Variants in IL15 observed in about 807,000 individuals in gnomAD.
IL15 encodes the protein interleukin 15.
Under a neutral mutation model 19.6 loss-of-function variants are expected in IL15, and 11 were observed. The ratio of observed to expected loss-of-function variants is 0.56; its 90% CI spans 0.35 to 0.93. The LOEUF is 0.93. Among genes scored for constraint, IL15 ranks in the 40% least tolerant of loss-of-function variants. The pLI is 0.01. For synonymous variants in IL15, 58 were observed against 59.6 expected (o/e 0.97, Z 0.12); for missense variants, 197 against 186.5 (o/e 1.06, Z -0.33).
intron 2 of IL15, among the ~76,000 whole-genome samples, chr4:141,708,270 A>G (rs969000824): frequency 2.6e-5 from 4 of 152,156 alleles, no homozygotes; most frequent in Admixed American, 6.5e-5. Context: ...TCATTATGAC[A>G]TGCCTATGCT....
intron 6 of IL15, 58 bp downstream of exon 6, chr4:141,728,042 A>G (rs1730327489): frequency 1.2e-6 from 1 of 821,404 alleles, no homozygotes; most frequent in East Asian, 2.6e-5. Flanking sequence ...TTTTAAAAGT[A>G]TATTTTTGTA....
intron 1 of IL15, among the ~76,000 whole-genome samples, chr4:141,645,298 CTG>C (rs1727190468): frequency 6.6e-6 from 1 of 152,092 alleles, no homozygotes; most frequent in African/African-American, 2.4e-5. Flanking sequence ...TTGGCAAGGT[CTG>C]TGAGACATCA....
chr4:141,661,248 G>A (rs928347483), intron 2 of IL15, among the ~76,000 whole-genome samples: 15 of 152,202 alleles, frequency 9.9e-5, no homozygotes, highest in Admixed American at 1.3e-4. Context: ...GTGATAGCAG[G>A]TGTTGATGAC....
intron 7 of IL15, among the ~76,000 whole-genome samples, chr4:141,731,325 A>G (rs774585319): frequency 9.9e-5 from 15 of 152,176 alleles, no homozygotes; most frequent in Non-Finnish European, 5.9e-5. Context: ...CCCTACTAGA[A>G]TGTCAGCTTA....
At chr4:141,729,778 C>A (rs1456624540) in intron 6 of IL15, 69 bp from the exon 7 acceptor site, 36 of 866,190 alleles carry the variant, frequency 4.2e-5, no homozygotes, top group Non-Finnish European at 6.0e-5. Flanking sequence ...TTTTGAAAAT[C>A]AAAATTACAT....
At chr4:141,695,915 T>C (rs2152179461) in intron 2 of IL15, among the ~76,000 whole-genome samples, 1 of 152,238 alleles carries the variant, frequency 6.6e-6, no homozygotes, top group Admixed American at 6.5e-5. Context: ...TTCACTCTGT[T>C]AATAGTTTCC....
At chr4:141,683,437 G>C (rs967424277) in intron 2 of IL15, among the ~76,000 whole-genome samples, 1 of 151,642 alleles carries the variant, frequency 6.6e-6, no homozygotes, top group Non-Finnish European at 1.5e-5. Context: ...CTGGCATGGC[G>C]GTGTGCACCT....
At chr4:141,660,165 C>T (rs182433863) in intron 2 of IL15, among the ~76,000 whole-genome samples, 2 of 152,288 alleles carry the variant, frequency 1.3e-5, no homozygotes, top group Non-Finnish European at 2.9e-5. Context: ...TAATGGGCTC[C>T]ATGCTAAAGA....
intron 1 of IL15, among the ~76,000 whole-genome samples, chr4:141,654,278 A>G (rs1302717849): frequency 1.3e-5 from 2 of 152,154 alleles, no homozygotes; most frequent in African/African-American, 2.4e-5. Context: ...GAAGCAGGCC[A>G]GATTCCTGGA....
intron 2 of IL15, among the ~76,000 whole-genome samples, chr4:141,713,196 G>A (rs1011022559): frequency 3.3e-5 from 5 of 152,144 alleles, no homozygotes; most frequent in Non-Finnish European, 7.4e-5. Context: ...TGCTGAAAAT[G>A]TCTTAGTGCG....
chr4:141,705,795 C>T (rs1579038088), intron 2 of IL15, among the ~76,000 whole-genome samples: 2 of 149,288 alleles, frequency 1.3e-5, no homozygotes, highest in East Asian at 1.9e-4. Flanking sequence ...GTTACATCCT[C>T]TTATTGAATT....
chr4:141,682,101 C>A (rs560217674), intron 2 of IL15, among the ~76,000 whole-genome samples: 3 of 152,048 alleles, frequency 2.0e-5, no homozygotes, highest in Non-Finnish European at 4.4e-5. Context: ...TTAATGTAAC[C>A]TTTTGTTTTT....
chr4:141,690,472 C>A (rs750024419), intron 2 of IL15, among the ~76,000 whole-genome samples: 1 of 152,208 alleles, frequency 6.6e-6, no homozygotes, highest in East Asian at 1.9e-4. Flanking sequence ...ATCCTAGATT[C>A]TTTCTTCTCC....
At chr4:141,722,113 T>C in intron 5 of IL15, 105 bp downstream of exon 5, 2 of 1,310,598 alleles carry the variant, frequency 1.5e-6, no homozygotes, top group Non-Finnish European at 2.0e-6. Context: ...GAAACAATAA[T>C]ATTTTTGTAG....
At chr4:141,685,856 T>A (rs1203773745) in intron 2 of IL15, among the ~76,000 whole-genome samples, 3 of 152,222 alleles carry the variant, frequency 2.0e-5, no homozygotes, top group Admixed American at 6.5e-5. Flanking sequence ...CATTTCTTCA[T>A]AACATTTAAA....
At chr4:141,652,875 T>C (rs1727456871) in intron 1 of IL15, among the ~76,000 whole-genome samples, 1 of 152,190 alleles carries the variant, frequency 6.6e-6, no homozygotes, top group South Asian at 2.1e-4. Context: ...GCAGTAGCAA[T>C]ATTTGAATCC....
chr4:141,715,390 T>TA (rs1362146839), intron 2 of IL15: 1 of 152,196 alleles, frequency 6.6e-6, no homozygotes, highest in East Asian at 1.9e-4. Flanking sequence ...TTCACTGAGA[T>TA]ACCACCGGGG....
At chr4:141,702,876 G>T (rs1459605894) in intron 2 of IL15, among the ~76,000 whole-genome samples, 1 of 152,218 alleles carries the variant, frequency 6.6e-6, no homozygotes, top group Non-Finnish European at 1.5e-5. Flanking sequence ...ATCACCAGGT[G>T]AGGGCAGGGT....
intron 2 of IL15, among the ~76,000 whole-genome samples, chr4:141,684,510 T>C (rs984690226): frequency 6.6e-6 from 1 of 152,216 alleles, no homozygotes; most frequent in African/African-American, 2.4e-5. Flanking sequence ...CCGTTTGGCT[T>C]TGAAGGACAC....
Sources: allele counts gnomAD v4.1 joint callset (sites outside exome capture counted in the v4.1 genomes callset), GRCh38; gene constraint gnomAD v4.1.1; transcripts MANE v1.5; gene names NCBI Gene and HGNC (gene_info 2026-07-23, HGNC 2026-07-21).